The following IL1RL1 variants were observed in gnomAD, a reference collection of about 807,000 sequenced individuals.
IL1RL1 encodes interleukin 1 receptor like 1, also known as interleukin-1 receptor-like 1.
Under a neutral mutation model 50.9 loss-of-function variants are expected in IL1RL1, and 32 were observed. That is an observed-to-expected ratio of 0.63 (90% CI 0.47 to 0.84). IL1RL1 has a LOEUF of 0.84. Among genes scored for constraint, IL1RL1 ranks in the 40% least tolerant of loss-of-function variants. IL1RL1 has a pLI of 0.00. For synonymous variants in IL1RL1, 275 were observed against 236.0 expected, an observed-to-expected ratio of 1.17 and a Z score of -1.51; for missense variants, 773 against 662.9, an observed-to-expected ratio of 1.17 and a Z score of -1.82.
chr2:102,344,909 T>C lies in IL1RL1; in HGVS notation c.970+1494T>C, dbSNP rs372564956. On this transcript the variant is annotated intron_variant, in intron 8 of 10. Transcript: ENST00000233954. The stretch of plus-strand genomic sequence containing the variant: ...TCTGAATCTAGCAGGATTTTAATGA[T>C]ATCATTATAATTTGACACAATAAAA... 7.3e-5 allele frequency: 71 copies of C among 971,646 alleles called. 1 individual carries two copies. In the East Asian group the frequency reaches 3.8e-3, roughly 52 times the overall value. The allele number at this position is 971,646 out of a possible 1,614,324, so 60.2% of individuals were successfully genotyped here. A position where few individuals can be genotyped will look rare whatever the true frequency, so the allele number is the denominator to read the frequency against.
chr2:102,321,209 CCTTAAGTGGATCACACTCTAAGAT>C (rs1209829810), intron 1 of IL1RL1, among the ~76,000 whole-genome samples: 3 of 152,218 alleles, frequency 2.0e-5, no homozygotes, highest in African/African-American at 7.2e-5. Flanking sequence ...GTATTTTTCT[CCTTAAGTGGATCACACTCTAAGAT>C]CTTTTGTAAC....
intron 8 of IL1RL1, chr2:102,344,998 A>C: frequency 1.0e-6 from 1 of 954,640 alleles, no homozygotes; most frequent in Non-Finnish European, 1.2e-6. Context: ...TCTTTTAAAA[A>C]TGTAACATTC....
chr2:102,326,896 A>G (rs1489377760), intron 1 of IL1RL1, among the ~76,000 whole-genome samples: 1 of 152,170 alleles, frequency 6.6e-6, no homozygotes, highest in Non-Finnish European at 1.5e-5. Flanking sequence ...CTCCCACACA[A>G]TAATAATGGG....
intron 1 of IL1RL1, among the ~76,000 whole-genome samples, chr2:102,325,530 G>A (rs767768713): frequency 2.0e-5 from 3 of 152,130 alleles, no homozygotes; most frequent in Non-Finnish European, 2.9e-5. Flanking sequence ...GAGAGAAGAA[G>A]GCTTCAGATG....
chr2:102,343,624 C>T, intron 8 of IL1RL1: 2 of 1,437,416 alleles, frequency 1.4e-6, no homozygotes, highest in Non-Finnish European at 1.8e-6. Context: ...ATTGTTCGTC[C>T]TCCCCCACTC....
At chr2:102,312,822 C>T (rs1009450346) in intron 1 of IL1RL1, 17 of 152,104 alleles carry the variant, frequency 1.1e-4, no homozygotes, top group Admixed American at 8.5e-4. Context: ...AAGGCTACTT[C>T]AACAGAGGGT....
chr2:102,338,318 A>C lies in IL1RL1; in HGVS notation c.54A>C (p.Ala18=). The C allele has an allele frequency of 6.3e-7, 1 of 1,580,152 alleles. No homozygotes were observed. Among genetic ancestry groups the C allele is most frequent in the Non-Finnish European group, 8.7e-7 (1 of 1,151,768 alleles). ...CAATTCTCATGTATTCCACAGCAGCAAAGTTTAGTAAGTATTGCCTTCTAA... is the reference window on the plus strand; with the variant it reads ...CAATTCTCATGTATTCCACAGCAGCCAAGTTTAGTAAGTATTGCCTTCTAA... ...ILTILMYSTA[A]KFSKQSWGLE... is the part of the protein sequence containing the mutation. The change falls in exon 2 of 11, where the codon GCA becomes GCC. Residue 18 remains alanine, a synonymous_variant. Transcript: ENST00000233954.
At chr2:102,350,850 C>G (rs977095227) in intron 10 of IL1RL1, among the ~76,000 whole-genome samples, 10 of 152,192 alleles carry the variant, frequency 6.6e-5, no homozygotes, top group African/African-American at 2.4e-4. Context: ...GTGAGAATAT[C>G]TTGGATTGTT....
At chr2:102,351,132 T>C (rs1297251147) in intron 10 of IL1RL1, among the ~76,000 whole-genome samples, 1 of 152,206 alleles carries the variant, frequency 6.6e-6, no homozygotes, top group African/African-American at 2.4e-5. Flanking sequence ...TTGTGATTTT[T>C]AATATGTGAG....
At chr2:102,321,766 G>A (rs1358195577) in intron 1 of IL1RL1, among the ~76,000 whole-genome samples, 2 of 152,226 alleles carry the variant, frequency 1.3e-5, no homozygotes, top group Admixed American at 6.5e-5. Context: ...GAAAACACAA[G>A]TGAAACTGTT....
intron 1 of IL1RL1, 60 bp from the exon 2 acceptor site, chr2:102,338,056 A>G (rs555675393): frequency 2.6e-6 from 1 of 382,154 alleles, no homozygotes; most frequent in East Asian, 4.0e-5. Context: ...TGGTGCTGAG[A>G]AAGTAAAAAT....
intron 6 of IL1RL1, 140 bp from the exon 7 acceptor site, chr2:102,342,896 G>A (rs757682489): frequency 2.7e-6 from 2 of 748,690 alleles, no homozygotes; most frequent in Non-Finnish European, 4.5e-6. Flanking sequence ...ATAGAAAGAG[G>A]AAGGTGCTAG....
chr2:102,351,051 G>C (rs1030501119), intron 10 of IL1RL1, among the ~76,000 whole-genome samples: 1 of 152,116 alleles, frequency 6.6e-6, no homozygotes, highest in African/African-American at 2.4e-5. Flanking sequence ...GAGATTAATG[G>C]GGGTGAAGTA....
At chr2:102,317,927 A>T (rs775039451) in intron 1 of IL1RL1, among the ~76,000 whole-genome samples, 2 of 152,146 alleles carry the variant, frequency 1.3e-5, no homozygotes, top group Non-Finnish European at 2.9e-5. Flanking sequence ...GAGGGTAAAC[A>T]GTTGCTGCAA....
intron 10 of IL1RL1, among the ~76,000 whole-genome samples, chr2:102,350,808 T>G (rs1030511216): frequency 2.6e-5 from 4 of 152,170 alleles, no homozygotes; most frequent in Non-Finnish European, 5.9e-5. Context: ...CTGGCCTGCC[T>G]CATGCATCTG....
chr2:102,330,427 A>C (rs2104974267), intron 1 of IL1RL1, among the ~76,000 whole-genome samples: 1 of 152,378 alleles, frequency 6.6e-6, no homozygotes, highest in Admixed American at 6.5e-5. Context: ...CAAACATGGC[A>C]CATGTATACA....
At chr2:102,323,843 A>C (rs1676911547) in intron 1 of IL1RL1, among the ~76,000 whole-genome samples, 1 of 152,124 alleles carries the variant, frequency 6.6e-6, no homozygotes, top group Admixed American at 6.5e-5. Flanking sequence ...ATATTCCACA[A>C]ATCTCTCTCA....
Position 102,351,608 on chromosome 2 carries a change from C to G in IL1RL1, c.1358C>G (p.Thr453Ser), listed in dbSNP as rs760189385. 4 of 1,614,018 alleles carry G rather than the reference C, an allele frequency of 2.5e-6. No individual in the cohort carries two copies. The African/African-American group carries it at 4.0e-5, about 16-fold the overall frequency. The change falls in exon 11 of 11, where the codon ACT (threonine) becomes AGT (serine). Residue 453 changes from threonine (T) to serine (S), a missense_variant. By Grantham distance (58) the Thr-to-Ser change is moderately conservative. Transcript: ENST00000233954. ...ATTTTCATCCTGACCCCTCAGATCA[C>G]TCACAATAAGGAGTTTGCCTACGAG... is the stretch of plus-strand genomic sequence containing the variant. ...RHIFILTPQI[T>S]HNKEFAYEQE... is the part of the protein sequence containing the mutation.
In IL1RL1 at chr2:102,343,435, C is replaced by G; in HGVS notation, c.970+20C>G. The G allele has an allele frequency of 6.2e-7, 1 of 1,614,172 alleles. No individual in the cohort carries two copies. Among genetic ancestry groups the G allele is most frequent in the African/African-American group, 1.3e-5 (1 of 75,068 alleles). Reference sequence around the variant, plus strand: ...ATCCAAGTAAGGAGTGTTTCTGAGACTTTGATCACCTGAACTTTCTCTAGC... The same window carrying G: ...ATCCAAGTAAGGAGTGTTTCTGAGAGTTTGATCACCTGAACTTTCTCTAGC... On this transcript the variant is annotated intron_variant, in intron 8 of 10. Coordinates refer to ENST00000233954, the MANE Select transcript of IL1RL1 (RefSeq NM_016232.5).
Sources: allele counts gnomAD v4.1 joint callset (sites outside exome capture counted in the v4.1 genomes callset), GRCh38; gene constraint gnomAD v4.1.1; transcripts MANE v1.5; gene names NCBI Gene and HGNC (gene_info 2026-07-23, HGNC 2026-07-21).